The following TMEM117 variants were observed in gnomAD, a reference collection of about 807,000 sequenced individuals.
TMEM117 encodes transmembrane protein 117.
In TMEM117, 27 loss-of-function variants were observed where a neutral mutation model predicts 52.4. The observed-to-expected ratio is 0.51, with a 90% CI of 0.38 to 0.71. The LOEUF is 0.71. Ranked by LOEUF, TMEM117 falls within the 30% of genes least tolerant of loss-of-function variation. TMEM117 has a pLI of 0.00. For synonymous variants in TMEM117, 215 were observed against 206.3 expected (o/e 1.04, Z -0.36); for missense variants, 556 against 630.5 (o/e 0.88, Z 1.26).
intron 4 of TMEM117, among the ~76,000 whole-genome samples, chr12:44,195,637 T>C (rs1337909309): frequency 1.3e-5 from 2 of 149,866 alleles, no homozygotes; most frequent in Non-Finnish European, 3.0e-5. Context: ...TATATTGCTG[T>C]CTAGCAAAAT....
At chr12:43,915,656 A>G (rs10785469) in intron 2 of TMEM117, among the ~76,000 whole-genome samples, 43,179 of 151,620 alleles carry the variant, frequency 0.28, 8,887 homozygotes, top group African/African-American at 0.59. Context: ...CTCAGGCGAG[A>G]CCTAGGAGAA....
At chr12:44,126,017 A>G (rs972510915) in intron 3 of TMEM117, among the ~76,000 whole-genome samples, 1 of 152,018 alleles carries the variant, frequency 6.6e-6, no homozygotes, top group Non-Finnish European at 1.5e-5. Flanking sequence ...CATGTAGTAT[A>G]TGGTTTGAGT....
chr12:43,985,006 A>G (rs1030168411), intron 3 of TMEM117, among the ~76,000 whole-genome samples: 2 of 151,454 alleles, frequency 1.3e-5, no homozygotes, highest in African/African-American at 4.9e-5. Context: ...TCTCTTTGAG[A>G]TTTTTTTTTG....
intron 5 of TMEM117, among the ~76,000 whole-genome samples, chr12:44,287,296 CAG>C (rs1308308425): frequency 6.6e-6 from 1 of 152,080 alleles, no homozygotes; most frequent in Non-Finnish European, 1.5e-5. Context: ...GGCCAGAAAC[CAG>C]AGAGGGTGGA....
chr12:43,796,899 C>T, the TMEM117 span: 1 of 1,384,462 alleles, frequency 7.2e-7, no homozygotes, highest in Admixed American at 2.1e-5. Context: ...ATTTATAAAT[C>T]ACAGTACATC....
chr12:44,172,106 T>G (rs1949054612), intron 4 of TMEM117, among the ~76,000 whole-genome samples: 1 of 152,172 alleles, frequency 6.6e-6, no homozygotes, highest in Admixed American at 6.5e-5. Context: ...ATGAATGGAT[T>G]TTACGCTGGG....
At chr12:44,044,575 T>C (rs1946851462) in intron 3 of TMEM117, among the ~76,000 whole-genome samples, 1 of 152,172 alleles carries the variant, frequency 6.6e-6, no homozygotes, top group Non-Finnish European at 1.5e-5. Context: ...CAAATGCCCA[T>C]GGTCTCCACT....
chr12:44,135,852 A>G (rs1416510864), intron 3 of TMEM117, among the ~76,000 whole-genome samples: 1 of 152,176 alleles, frequency 6.6e-6, no homozygotes, highest in African/African-American at 2.4e-5. Flanking sequence ...GATCATTTGC[A>G]ACCATGAACA....
intron 3 of TMEM117, among the ~76,000 whole-genome samples, chr12:43,954,854 C>T (rs1945281980): frequency 6.6e-6 from 1 of 152,142 alleles, no homozygotes; most frequent in African/African-American, 2.4e-5. Flanking sequence ...GGCCAATATC[C>T]CTGATGAACA....
chr12:44,070,434 T>C (rs180746760), intron 3 of TMEM117, among the ~76,000 whole-genome samples: 13 of 152,322 alleles, frequency 8.5e-5, no homozygotes, highest in African/African-American at 2.6e-4. Context: ...TCTTAGCTCC[T>C]ATAGAAATGG....
chr12:44,072,011 A>C (rs767782540), intron 3 of TMEM117, among the ~76,000 whole-genome samples: 1 of 152,232 alleles, frequency 6.6e-6, no homozygotes, highest in East Asian at 1.9e-4. Context: ...ATTGAAATTT[A>C]ATAGCCAGAA....
chr12:43,956,818 T>C (rs551757460), intron 3 of TMEM117, among the ~76,000 whole-genome samples: 79 of 152,228 alleles, frequency 5.2e-4, no homozygotes, highest in African/African-American at 1.9e-3. Context: ...ACCCAAAGGA[T>C]TTATAAATCA....
chr12:43,914,640 A>G (rs968615224), intron 2 of TMEM117, among the ~76,000 whole-genome samples: 1 of 152,158 alleles, frequency 6.6e-6, no homozygotes, highest in East Asian at 1.9e-4. Context: ...TCTGCATATA[A>G]AAGAACAGTC....
At position 43,844,724 on chromosome 12, in the gene TMEM117, T is replaced by C. The variant is rs779381080; in HGVS notation, c.73T>C (p.Phe25Leu). The C allele has an allele frequency of 6.2e-7, 1 of 1,614,218 alleles. No individual in the cohort carries two copies. Among genetic ancestry groups the C allele is most frequent in the South Asian group, 1.1e-5 (1 of 91,090 alleles). Residue 25 changes from phenylalanine (F) to leucine (L), a missense_variant, in exon 2 of 8, where the codon TTT becomes CTT. By Grantham distance (22) the Phe-to-Leu change is conservative. This residue lies in a region of TMEM117 where 328 missense variants were observed against 371.4 expected (regional missense o/e 0.88). Coordinates refer to ENST00000266534, the MANE Select transcript of TMEM117 (RefSeq NM_032256.3). ...GATTGTGGCTTACTTGGTGATCTTC[T>C]TTAACTTCTTAATATTTGCGGAGGA... is the stretch of plus-strand genomic sequence containing the variant. ...RMIVAYLVIF[F>L]NFLIFAEDPV...
At chr12:43,987,618 C>CA (rs1487034279) in intron 3 of TMEM117, among the ~76,000 whole-genome samples, 7 of 151,390 alleles carry the variant, frequency 4.6e-5, no homozygotes, top group South Asian at 2.1e-4. Context: ...ATCTAATGGA[C>CA]AAAAAATTGA....
At chr12:44,261,012 C>T (rs986155232) in intron 5 of TMEM117, among the ~76,000 whole-genome samples, 5 of 152,160 alleles carry the variant, frequency 3.3e-5, no homozygotes, top group Non-Finnish European at 5.9e-5. Flanking sequence ...ATGTCCTTTA[C>T]AGGACATTAT....
chr12:44,343,968 C>T (rs567818946), intron 6 of TMEM117, among the ~76,000 whole-genome samples: 2 of 152,102 alleles, frequency 1.3e-5, no homozygotes, highest in Middle Eastern at 3.4e-3. Context: ...AGCCAGAAGC[C>T]GGAAGCTGGG....
chr12:44,342,417 AC>A (rs772312293), intron 6 of TMEM117, among the ~76,000 whole-genome samples: 3 of 152,118 alleles, frequency 2.0e-5, no homozygotes, highest in Non-Finnish European at 4.4e-5. Context: ...CTTTGGTCTG[AC>A]CTTTCCTTCC....
chr12:44,296,307 C>G (rs1451671063), intron 5 of TMEM117, among the ~76,000 whole-genome samples: 1 of 152,166 alleles, frequency 6.6e-6, no homozygotes, highest in African/African-American at 2.4e-5. Context: ...TGGTCCTGGA[C>G]TATGGCTGAG....
Sources: gnomAD v4.1 joint callset for allele counts (sites outside exome capture counted in the v4.1 genomes callset) on GRCh38, gnomAD v4.1.1 for gene constraint, gnomAD v4.1.1 regional missense constraint, MANE v1.5 for transcripts, NCBI Gene and HGNC (gene_info 2026-07-23, HGNC 2026-07-21) for gene names.